The following TFCP2 variants were observed in gnomAD, a reference collection of about 807,000 sequenced individuals.
TFCP2 encodes transcription factor CP2, also known as alpha-globin transcription factor CP2.
A neutral mutation model predicts 73.4 loss-of-function variants in TFCP2; 33 were observed. The observed-to-expected ratio is 0.45, with a 90% CI of 0.34 to 0.60. The LOEUF is 0.60. Among genes scored for constraint, TFCP2 ranks in the 20% least tolerant of loss-of-function variants. The pLI is 0.01. For synonymous variants in TFCP2, 193 were observed against 211.6 expected (o/e 0.91, Z 0.76); for missense variants, 352 against 604.0 (o/e 0.58, Z 4.37).
intron 1 of TFCP2, among the ~76,000 whole-genome samples, chr12:51,129,444 C>T (rs374696989): frequency 1.4e-5 from 2 of 146,856 alleles, no homozygotes; most frequent in South Asian, 2.2e-4. Flanking sequence ...ACCCAGGAGG[C>T]GGAGGTTGCA....
intron 1 of TFCP2, among the ~76,000 whole-genome samples, chr12:51,137,222 C>G (rs1037852629): frequency 6.6e-6 from 1 of 152,148 alleles, no homozygotes; most frequent in African/African-American, 2.4e-5. Context: ...AAAAATGGAG[C>G]TGATTTCCCT....
intron 12 of TFCP2, among the ~76,000 whole-genome samples, chr12:51,099,368 C>T (rs1940048464): frequency 6.6e-6 from 1 of 151,536 alleles, no homozygotes; most frequent in Non-Finnish European, 1.5e-5. Context: ...GTTCTAGCTA[C>T]TCGGTAGGCT....
chr12:51,096,538 T>C (rs963186009), intron 13 of TFCP2, among the ~76,000 whole-genome samples: 6 of 152,360 alleles, frequency 3.9e-5, no homozygotes, highest in African/African-American at 1.4e-4. Context: ...CAAAGTGGAA[T>C]GGCGAAGGTG....
In TFCP2 at chr12:51,107,311, C is replaced by A; in HGVS notation, c.753G>T (p.Arg251Ser). Reference sequence around the variant, plus strand: ...GAGGTGTTCGTTTCTCCATTTTTTCCCTATCCGTTTTTTGCTTTCTGTCTG... The same window carrying A: ...GAGGTGTTCGTTTCTCCATTTTTTCACTATCCGTTTTTTGCTTTCTGTCTG... ...KGADRKQKTD[R>S]EKMEKRTPHE... is the part of the protein sequence containing the mutation. Residue 251 changes from arginine to serine, a missense_variant, in exon 7 of 15, where the codon AGG (arginine) becomes AGT (serine). This residue lies in a region of TFCP2 where 47 missense variants were observed against 89.1 expected (regional missense o/e 0.53). Transcript: ENST00000257915. The A allele has an allele frequency of 6.2e-7, 1 of 1,612,792 alleles. No individual in the cohort carries two copies. The highest frequency in any genetic ancestry group is 8.5e-7 in the Non-Finnish European group (1 of 1,179,762).
chr12:51,110,573 C>CA (rs1490928299), intron 5 of TFCP2, among the ~76,000 whole-genome samples: 4 of 152,136 alleles, frequency 2.6e-5, no homozygotes, highest in Non-Finnish European at 4.4e-5. Flanking sequence ...TGTCCCCCCC[C>CA]AAAAAAATTA....
At chr12:51,135,408 C>CA (rs1308872588) in intron 1 of TFCP2, among the ~76,000 whole-genome samples, 2 of 148,750 alleles carry the variant, frequency 1.3e-5, no homozygotes, top group African/African-American at 5.0e-5. Flanking sequence ...GCCTGGGTGA[C>CA]AGAGTGAGAC....
At chr12:51,157,432 C>G (rs1176823223) in intron 1 of TFCP2, among the ~76,000 whole-genome samples, 3 of 151,658 alleles carry the variant, frequency 2.0e-5, no homozygotes, top group Non-Finnish European at 2.9e-5. Context: ...CCTTCTGCCT[C>G]AGCCTTCCGA....
chr12:51,142,378 C>A (rs1055199695), intron 1 of TFCP2, among the ~76,000 whole-genome samples: 1 of 151,358 alleles, frequency 6.6e-6, no homozygotes, highest in Admixed American at 6.6e-5. Context: ...TTCTTCTTTA[C>A]GGGTCTGCAT....
chr12:51,137,824 G>T (rs1592819597), intron 1 of TFCP2, among the ~76,000 whole-genome samples: 1 of 152,130 alleles, frequency 6.6e-6, no homozygotes, highest in African/African-American at 2.4e-5. Flanking sequence ...GTTTTGTTTT[G>T]TTTTGTTTTC....
At position 51,100,333 on chromosome 12, in the gene TFCP2, GTTC is replaced by G. The variant is rs150952751; in HGVS notation, c.1152-557_1152-555del. Among the ~76,000 whole-genome samples the G allele has an allele frequency of 3.5e-3, 525 of 152,108 alleles. 6 individuals carry two copies. Among genetic ancestry groups the G allele is most frequent in the African/African-American group, 0.012 (497 of 41,496 alleles). ...CCTAACTAGCCTAAGTCCTTTCTCT[GTTC>G]TTCTTAGAGAAAGGTATTCAACTAC... is the stretch of plus-strand genomic sequence containing the variant. On this transcript the variant is annotated intron_variant, in intron 11 of 14. Transcript: ENST00000257915.
intron 1 of TFCP2, among the ~76,000 whole-genome samples, chr12:51,126,057 C>T (rs945679930): frequency 6.6e-6 from 1 of 151,736 alleles, no homozygotes; most frequent in Non-Finnish European, 1.5e-5. Flanking sequence ...GGTGAAACCC[C>T]ATCTCTACTA....
chr12:51,106,845 C>A, intron 7 of TFCP2: 1 of 501,906 alleles, frequency 2.0e-6, no homozygotes. Context: ...GGTCCCAGGC[C>A]ATTTTTGTTG....
At chr12:51,128,434 C>T (rs1168826988) in intron 1 of TFCP2, among the ~76,000 whole-genome samples, 4 of 149,986 alleles carry the variant, frequency 2.7e-5, no homozygotes, top group African/African-American at 4.9e-5. Flanking sequence ...TATGTAACAA[C>T]CTGCACATTG....
intron 1 of TFCP2, chr12:51,125,232 A>G (rs909958836): frequency 1.7e-6 from 1 of 604,560 alleles, no homozygotes; most frequent in Non-Finnish European, 3.1e-6. Flanking sequence ...TTCTGTACCC[A>G]TGGGATGAGA....
At chr12:51,158,614 G>A (rs1941586368) in intron 1 of TFCP2, among the ~76,000 whole-genome samples, 1 of 150,358 alleles carries the variant, frequency 6.7e-6, no homozygotes, top group Non-Finnish European at 1.5e-5. Context: ...TCGGCCTCCC[G>A]AGTAGCTGGG....
intron 2 of TFCP2, 127 bp from the exon 3 acceptor site, chr12:51,117,874 C>G: frequency 6.4e-6 from 4 of 620,866 alleles, no homozygotes. Context: ...TAACAACAAT[C>G]AGAAGCCTTT....
chr12:51,149,618 G>A (rs116700552), intron 1 of TFCP2, among the ~76,000 whole-genome samples: 8,818 of 151,118 alleles, frequency 0.058, 495 homozygotes, highest in East Asian at 0.18. Flanking sequence ...CTTTTTTTTC[G>A]AGATGGAGGC....
intron 1 of TFCP2, among the ~76,000 whole-genome samples, chr12:51,139,671 C>A (rs1273505704): frequency 3.3e-5 from 5 of 152,144 alleles, no homozygotes; most frequent in Non-Finnish European, 7.3e-5. Flanking sequence ...AGACACTGCA[C>A]CTGGCCTCTT....
chr12:51,159,216 T>G (rs1941601286), intron 1 of TFCP2, among the ~76,000 whole-genome samples: 1 of 151,336 alleles, frequency 6.6e-6, no homozygotes, highest in African/African-American at 2.4e-5. Flanking sequence ...AGAAATCTAC[T>G]GGACATCACT....
Sources: gnomAD v4.1 joint callset for allele counts (sites outside exome capture counted in the v4.1 genomes callset) on GRCh38, gnomAD v4.1.1 for gene constraint, gnomAD v4.1.1 regional missense constraint, MANE v1.5 for transcripts, NCBI Gene and HGNC (gene_info 2026-07-23, HGNC 2026-07-21) for gene names.